The following NKPD1 variants were observed in gnomAD, a reference collection of about 807,000 sequenced individuals.
The protein encoded by NKPD1 is NTPase KAP family P-loop domain containing 1.
In NKPD1, 37 loss-of-function variants were observed where a neutral mutation model predicts 42.2. That is an observed-to-expected ratio of 0.88 (90% CI 0.67 to 1.15). The LOEUF is 1.15. Ranked by LOEUF, NKPD1 falls within the 50% of genes most tolerant of loss-of-function variation. The probability of loss-of-function intolerance (pLI) is 0.00; values close to 1 mark genes in which losing one functional copy is unlikely to be tolerated. For missense variants in NKPD1, 1,113 were observed against 1,174.6 expected, an observed-to-expected ratio of 0.95 and a Z score of 0.77; for synonymous variants, 552 against 536.5, an observed-to-expected ratio of 1.03 and a Z score of -0.40.
intron 4 of NKPD1, 137 bp from the exon 5 acceptor site, chr19:45,153,912 C>G: frequency 1.1e-6 from 1 of 889,090 alleles, no homozygotes; most frequent in Non-Finnish European, 1.5e-6. Context: ...CGAGCCGCGG[C>G]CGCTCCTTAA....
At chr19:45,160,719 C>T (rs1968989326) in intron 1 of NKPD1, among the ~76,000 whole-genome samples, 1 of 151,816 alleles carries the variant, frequency 6.6e-6, no homozygotes, top group Non-Finnish European at 1.5e-5. Flanking sequence ...AATGAAATCG[C>T]GGTGGTCCAA....
In NKPD1 at chr19:45,151,175, AG is replaced by A. The variant is rs1435892336; in HGVS notation, c.*762del. 8 of 152,630 alleles carry A rather than the reference AG, an allele frequency of 5.2e-5. No homozygotes were observed. In the East Asian group the frequency reaches 1.4e-3, roughly 26 times the overall value. 9.5% of individuals were successfully genotyped at this position (152,630 alleles called of 1,614,324 possible). On this transcript the variant is annotated 3_prime_UTR_variant, in exon 5 of 5. Transcript: ENST00000686631. ...TCTGCCCAACTTCCCTGTCCTCATC[AG>A]GGGGCTGATGCAGTGGCTTCAGTGT...
rs12460771 is a variant in NKPD1, at chr19:45,154,425, G to A, written c.662-650C>T. ...CCGTGTCCCCTGGGCACCAGAAGGTGCTTAGGGAATGCCTGAACAATAGAT... is the reference window on the plus strand; with the variant it reads ...CCGTGTCCCCTGGGCACCAGAAGGTACTTAGGGAATGCCTGAACAATAGAT... On this transcript the variant is annotated intron_variant, in intron 4 of 4. Transcript: ENST00000686631. Among the ~76,000 whole-genome samples, 958 of 152,334 alleles carry A rather than the reference G, an allele frequency of 6.3e-3. 9 individuals carry two copies. Among genetic ancestry groups the A allele is most frequent in the Middle Eastern group, 0.037 (11 of 294 alleles).
At chr19:45,156,785 G>A (rs138310543) in intron 3 of NKPD1, among the ~76,000 whole-genome samples, 73 of 152,328 alleles carry the variant, frequency 4.8e-4, no homozygotes, top group African/African-American at 1.6e-3. Flanking sequence ...GCTTTGTGGT[G>A]CACAGTGGGG....
intron 1 of NKPD1, among the ~76,000 whole-genome samples, 102 bp downstream of exon 1, chr19:45,160,823 G>A (rs1968990787): frequency 6.6e-6 from 1 of 152,110 alleles, no homozygotes; most frequent in African/African-American, 2.4e-5. Context: ...TGCTGTGTGG[G>A]GGACAGGGAT....
At chr19:45,161,325 A>G (rs1969001414), upstream of NKPD1, among the ~76,000 whole-genome samples, 1 of 152,122 alleles carries the variant, frequency 6.6e-6, no homozygotes, top group Non-Finnish European at 1.5e-5. Context: ...CTCATTGCTG[A>G]GTGGGCACCT....
intron 1 of NKPD1, among the ~76,000 whole-genome samples, chr19:45,160,566 G>A (rs534469822): frequency 2.0e-5 from 3 of 152,078 alleles, no homozygotes; most frequent in East Asian, 3.9e-4. Context: ...AGGTGTGGGC[G>A]CTGTGGGAGG....
At position 45,153,264 on chromosome 19, in the gene NKPD1, C is replaced by A; in HGVS notation, c.1173G>T (p.Gly391=). 6.2e-7 allele frequency: 1 copy of A among 1,602,438 alleles called. No individual in the cohort carries two copies. Among genetic ancestry groups the A allele is most frequent in the East Asian group, 2.3e-5 (1 of 44,302 alleles). The change falls in exon 5 of 5, where the codon GGG becomes GGT. Residue 391 remains glycine (G), a synonymous_variant. Transcript: ENST00000686631. ...GGAATTLSGS[G]LLMAVYSVGK... ...CCACCGAGTACACGGCCATGAGCAG[C>A]CCCGAGCCCGACAGTGTGGTGGCCG... is the stretch of plus-strand genomic sequence containing the variant.
chr19:45,155,957 C>G, intron 3 of NKPD1, 41 bp from the exon 4 acceptor site: 1 of 1,290,122 alleles, frequency 7.8e-7, no homozygotes, highest in Non-Finnish European at 1.0e-6. Context: ...GGACCACTGG[C>G]CAGGCACCAC....
At chr19:45,153,956 G>C (rs1190073268) in intron 4 of NKPD1, 181 bp from the exon 5 acceptor site, 3 of 565,206 alleles carry the variant, frequency 5.3e-6, no homozygotes, top group East Asian at 3.4e-5. Context: ...CGGGGGCGTG[G>C]AGAGGCCTGG....
At position 45,158,910 on chromosome 19, in the gene NKPD1, G is replaced by A. The variant is rs1968955008; in HGVS notation, c.282C>T (p.Ser94=). 7.7e-7 allele frequency: 1 copy of A among 1,297,302 alleles called. No homozygotes were observed. The highest frequency in any genetic ancestry group is 1.0e-6 in the Non-Finnish European group (1 of 985,852). The allele number at this position is 1,297,302 out of a possible 1,614,324, so 80.4% of individuals were successfully genotyped here. Residue 94 remains serine (S), a synonymous_variant, in exon 3 of 5, where the codon AGC becomes AGT. Transcript: ENST00000686631. This position sits in a 1 kb window ranked among gnomAD's most constrained non-coding sequence, Gnocchi z 4.6. ...TGGGGCAGAGCCGCTGCCGCAGGGG[G>A]CTGGGAGGTGAGGGCTGGGACTGGG... ...RQPQSQPSPP[S]PLRQRLCPIH... is the part of the protein sequence containing the mutation.
In NKPD1 at chr19:45,152,624, G is replaced by C. The variant is rs899966334; in HGVS notation, c.1813C>G (p.His605Asp). 3 of 1,572,166 alleles carry C rather than the reference G, an allele frequency of 1.9e-6. No individual in the cohort carries two copies. Among genetic ancestry groups the C allele is most frequent in the Non-Finnish European group, 2.6e-6 (3 of 1,169,384 alleles). ...RRIQEALFCL[H>D]DERDCLYEYV... ...TCGTAGAGGCAGTCGCGCTCGTCGT[G>C]AAGGCAGAAGAGCGCCTCCTGGATT... The change falls in exon 5 of 5, where the codon CAC becomes GAC. Residue 605 changes from histidine (H) to aspartate (D), a missense_variant. Transcript: ENST00000686631.
At position 45,152,089 on chromosome 19, in the gene NKPD1, G is replaced by T; in HGVS notation, c.2348C>A (p.Ala783Asp). Residue 783 changes from alanine to aspartate, a missense_variant, in exon 5 of 5, where the codon GCC (alanine) becomes GAC (aspartate). This residue lies in a region of NKPD1 where 867 missense variants were observed against 870.1 expected (regional missense o/e 1.00). Coordinates refer to ENST00000686631, the MANE Select transcript of NKPD1 (RefSeq NM_198478.4). The part of the protein sequence containing the change: ...TRDTPHAAHR[A>D]NSASRAPPSG... ...CGGGGGCGCCCTGGAGGCGCTGTTG[G>T]CCCGGTGGGCAGCGTGGGGGGTATC... The T allele has an allele frequency of 6.2e-7, 1 of 1,606,588 alleles. No individual in the cohort carries two copies. The highest frequency in any genetic ancestry group is 1.1e-5 in the South Asian group (1 of 90,430).
In NKPD1 at chr19:45,151,801, T is replaced by C; in HGVS notation, c.*137A>G. On this transcript the variant is annotated 3_prime_UTR_variant, in exon 5 of 5. Coordinates refer to ENST00000686631, the MANE Select transcript of NKPD1 (RefSeq NM_198478.4). Reference sequence around the variant, plus strand: ...TCCTTGGAAGCTATGTCCACGGCTCTGGCTCAGGTTCACCTGGGGGTGTGG... The same window carrying C: ...TCCTTGGAAGCTATGTCCACGGCTCCGGCTCAGGTTCACCTGGGGGTGTGG... 1.1e-6 allele frequency: 1 copy of C among 937,884 alleles called. No individual in the cohort carries two copies. The highest frequency in any genetic ancestry group is 2.2e-5 in the South Asian group (1 of 46,088). 58.1% of individuals were successfully genotyped at this position (937,884 alleles called of 1,614,324 possible).
rs1051218691 is a variant in NKPD1, at chr19:45,153,420, G to A, written c.1017C>T (p.Arg339=). ...GCAGCGCCAGCAGCCCCAGGCACAC[G>A]CGGCGCCGACAATGCCACTCGCTCT... is the stretch of plus-strand genomic sequence containing the variant. ...CCQSEWHCRR[R]VCLGLLALLA... The change falls in exon 5 of 5, where the codon CGC becomes CGT. Residue 339 remains arginine, a synonymous_variant. Coordinates refer to ENST00000686631, the MANE Select transcript of NKPD1 (RefSeq NM_198478.4). 6 of 1,549,276 alleles carry A rather than the reference G, an allele frequency of 3.9e-6. No individual in the cohort carries two copies. In the African/African-American group the frequency reaches 4.1e-5, roughly 11 times the overall value.
chr19:45,162,571 G>A (rs949106355), upstream of NKPD1, among the ~76,000 whole-genome samples: 88 of 152,106 alleles, frequency 5.8e-4, no homozygotes, highest in African/African-American at 1.7e-3. Context: ...TAGGGGCCGC[G>A]TGTGTCCATG....
rs1442019284 is a variant in NKPD1 at position 45,152,085 on chromosome 19, G to C, written c.2352C>G (p.Asn784Lys). The C allele has an allele frequency of 6.2e-7, 1 of 1,606,946 alleles. No individual in the cohort carries two copies. The change falls in exon 5 of 5, where the codon AAC (asparagine) becomes AAG (lysine). Residue 784 changes from asparagine to lysine, a missense_variant. This residue lies in a region of NKPD1 where 867 missense variants were observed against 870.1 expected (regional missense o/e 1.00). Coordinates refer to ENST00000686631, the MANE Select transcript of NKPD1 (RefSeq NM_198478.4). ...CCGACGGGGGCGCCCTGGAGGCGCT[G>C]TTGGCCCGGTGGGCAGCGTGGGGGG... Reference protein sequence around the residue: ...RDTPHAAHRANSASRAPPSGR... With the variant: ...RDTPHAAHRAKSASRAPPSGR...
intron 4 of NKPD1, among the ~76,000 whole-genome samples, chr19:45,154,184 T>C (rs946918892): frequency 6.6e-6 from 1 of 152,062 alleles, no homozygotes; most frequent in Admixed American, 6.6e-5. Flanking sequence ...GATGAATGAA[T>C]GAGATGCTGA....
In NKPD1 at chr19:45,160,535, TGAG is replaced by T. The variant is rs1968985848; in HGVS notation, c.-71-317_-71-315del. ...GAAATAGGGGGTCCGGTGTGGTGGC[TGAG>T]TGACCAAGGGGTCATTAAGGTGTGG... On this transcript the variant is annotated intron_variant, in intron 1 of 4. Coordinates refer to ENST00000686631, the MANE Select transcript of NKPD1 (RefSeq NM_198478.4). Among the ~76,000 whole-genome samples the T allele has an allele frequency of 2.0e-5, 3 of 151,872 alleles. No homozygotes were observed. The South Asian group carries it at 6.2e-4, about 32-fold the overall frequency.
Sources: gnomAD v4.1 joint callset for allele counts (sites outside exome capture counted in the v4.1 genomes callset) on GRCh38, gnomAD v4.1.1 for gene constraint, gnomAD v4.1.1 regional missense constraint, Gnocchi (gnomAD v3.1) non-coding constraint, MANE v1.5 for transcripts, NCBI Gene and HGNC (gene_info 2026-07-23, HGNC 2026-07-21) for gene names.